Variants in SYT14 observed in about 807,000 individuals in gnomAD.
SYT14 encodes the protein synaptotagmin-14.
A neutral mutation model predicts 74.2 loss-of-function variants in SYT14; 32 were observed. The observed-to-expected ratio is 0.43, with a 90% CI of 0.33 to 0.58. The LOEUF (loss-of-function observed/expected upper bound fraction) is 0.58, where lower values mean the gene tolerates loss of function less well. Ranked by LOEUF, SYT14 falls within the 20% of genes least tolerant of loss-of-function variation. The pLI, the probability that SYT14 is intolerant of heterozygous loss-of-function variation, is 0.05. For missense variants in SYT14, 791 were observed against 981.8 expected (o/e 0.81, Z 2.60); for synonymous variants, 298 against 337.7 (o/e 0.88, Z 1.29).
chr1:209,998,384 T>C (rs2079835367), intron 2 of SYT14, among the ~76,000 whole-genome samples: 1 of 152,082 alleles, frequency 6.6e-6, no homozygotes, highest in Admixed American at 6.5e-5. Flanking sequence ...CACAAAGTGG[T>C]CTACACATTC....
At chr1:210,035,050 A>ATAC (rs1219870129) in intron 5 of SYT14, among the ~76,000 whole-genome samples, 1 of 151,922 alleles carries the variant, frequency 6.6e-6, no homozygotes, top group Non-Finnish European at 1.5e-5. Context: ...AGAAATCTAC[A>ATAC]TACTGTTTTC....
intron 2 of SYT14, among the ~76,000 whole-genome samples, chr1:209,976,310 G>A (rs4844929): frequency 0.63 from 82,719 of 131,298 alleles, 27,138 homozygotes; most frequent in East Asian, 0.84. Flanking sequence ...TGTCAATTTT[G>A]GATCTTTCCT....
In SYT14 at chr1:210,066,617, G is replaced by A. The variant is rs972850884; in HGVS notation, c.1313-27705G>A. Among the ~76,000 whole-genome samples the A allele has an allele frequency of 7.2e-5, 11 of 151,954 alleles. No homozygotes were observed. The East Asian group carries it at 1.2e-3, about 16-fold the overall frequency. Reference sequence around the variant, plus strand: ...AATTTGTTTGAGTTCATTGTATTCCGGATGTTAGCCCGTTGTCAGATGAGT... The same window carrying A: ...AATTTGTTTGAGTTCATTGTATTCCAGATGTTAGCCCGTTGTCAGATGAGT... On this transcript the variant is annotated intron_variant, in intron 5 of 9. Coordinates refer to ENST00000637265, the Ensembl canonical transcript of SYT14.
intron 2 of SYT14, among the ~76,000 whole-genome samples, chr1:209,961,640 A>G (rs1489674963): frequency 6.6e-6 from 1 of 152,078 alleles, no homozygotes; most frequent in Non-Finnish European, 1.5e-5. Context: ...TAGTCAGTAA[A>G]CTGGTATGTA....
At chr1:210,020,188 C>G (rs994720113) in intron 4 of SYT14, among the ~76,000 whole-genome samples, 3 of 152,038 alleles carry the variant, frequency 2.0e-5, no homozygotes, top group Admixed American at 2.0e-4. Flanking sequence ...TGTAGTTATT[C>G]TTTCCCTGAG....
chr1:210,132,352 C>G (rs762451408), intron 7 of SYT14, among the ~76,000 whole-genome samples: 3 of 152,092 alleles, frequency 2.0e-5, no homozygotes, highest in Non-Finnish European at 4.4e-5. Flanking sequence ...TGCCACTCCT[C>G]TGTGAGGACA....
intron 5 of SYT14, among the ~76,000 whole-genome samples, chr1:210,022,990 C>T (rs942911192): frequency 2.0e-5 from 3 of 152,092 alleles, no homozygotes; most frequent in Non-Finnish European, 4.4e-5. Flanking sequence ...TATTCTTGCC[C>T]TAACCTCTGC....
exon 10 of SYT14, chr1:210,168,469 T>G (rs1388069179): frequency 6.6e-6 from 1 of 152,232 alleles, no homozygotes; most frequent in Non-Finnish European, 1.5e-5. Flanking sequence ...TCTTTCTGTT[T>G]ATTACATTAA....
chr1:210,114,167 G>A (rs1378740535), intron 7 of SYT14, among the ~76,000 whole-genome samples: 1 of 151,434 alleles, frequency 6.6e-6, no homozygotes, highest in Non-Finnish European at 1.5e-5. Context: ...CAGGCAAGCT[G>A]GACAGTCCGA....
chr1:209,959,563 A>G (rs1410406069), intron 2 of SYT14, among the ~76,000 whole-genome samples: 3 of 152,242 alleles, frequency 2.0e-5, no homozygotes, highest in Non-Finnish European at 4.4e-5. Flanking sequence ...ACCAGAATAA[A>G]TGAATTATTG....
At chr1:209,949,426 A>G (rs2078875916) in intron 1 of SYT14, among the ~76,000 whole-genome samples, 1 of 152,098 alleles carries the variant, frequency 6.6e-6, no homozygotes, top group Non-Finnish European at 1.5e-5. Context: ...TACAAAAGTT[A>G]GCTGGGCCTG....
Position 210,003,510 on chromosome 1 carries a change from C to T in SYT14, c.-485-10123C>T, listed in dbSNP as rs910655492. On this transcript the variant is annotated intron_variant, in intron 2 of 9. Coordinates refer to ENST00000637265, the Ensembl canonical transcript of SYT14. ...TTAAATTTTATGTTGTTCATATATC[C>T]GCTGCCATTTGAATTTATTTGGATA... Among the ~76,000 whole-genome samples, 7 of 151,986 alleles carry T rather than the reference C, an allele frequency of 4.6e-5. No homozygotes were observed. The East Asian group carries it at 7.7e-4, about 17-fold the overall frequency.
At chr1:210,163,592 T>C (rs553197653) in exon 10 of SYT14, 43 of 453,538 alleles carry the variant, frequency 9.5e-5, no homozygotes, top group South Asian at 6.5e-4. Context: ...TTTTCTCCTC[T>C]ATGTATTTAC....
chr1:209,956,012 T>C (rs1485519033), intron 2 of SYT14, among the ~76,000 whole-genome samples: 17 of 152,206 alleles, frequency 1.1e-4, no homozygotes, highest in Admixed American at 1.1e-3. Flanking sequence ...ATCATAATTA[T>C]ATTTCCTTTT....
chr1:210,155,664 T>A (rs762855865), intron 7 of SYT14, 57 bp from the exon 7 acceptor site: 4 of 1,573,598 alleles, frequency 2.5e-6, no homozygotes, highest in Non-Finnish European at 3.5e-6. Flanking sequence ...CATAACAATA[T>A]ATCTCTTAAT....
At chr1:210,116,617 G>A (rs189405337) in intron 7 of SYT14, among the ~76,000 whole-genome samples, 6 of 152,314 alleles carry the variant, frequency 3.9e-5, no homozygotes, top group African/African-American at 1.2e-4. Flanking sequence ...AAAGTATTGG[G>A]ATTACAGGCA....
intron 2 of SYT14, among the ~76,000 whole-genome samples, chr1:209,990,548 T>TACGTATATATATATATATATATATAC (rs59238920): frequency 2.9e-5 from 2 of 68,048 alleles, no homozygotes; most frequent in Admixed American, 2.2e-4. Context: ...CGTATATATA[T>TACGTATATATATATATATATATATAC]GTATATATAT....
chr1:210,032,261 C>A, intron 5 of SYT14, among the ~76,000 whole-genome samples: 1 of 151,990 alleles, frequency 6.6e-6, no homozygotes, highest in East Asian at 1.9e-4. Context: ...AGTAGCATAC[C>A]AGCTGCTTCC....
chr1:210,063,038 A>G (rs888356967), intron 5 of SYT14, among the ~76,000 whole-genome samples: 10 of 146,406 alleles, frequency 6.8e-5, no homozygotes, highest in African/African-American at 7.5e-5. Context: ...TTTTTTTAAC[A>G]TTGATGGTGA....
Sources: gnomAD v4.1 joint callset for allele counts (sites outside exome capture counted in the v4.1 genomes callset) on GRCh38, gnomAD v4.1.1 for gene constraint, MANE v1.5 for transcripts, NCBI Gene and HGNC (gene_info 2026-07-23, HGNC 2026-07-21) for gene names.